AKAP13: variants seen among roughly 807,000 people sequenced by gnomAD.
The protein encoded by AKAP13 is A-kinase anchoring protein 13, also known as A-kinase anchor protein 13.
AKAP13 carries 80 observed loss-of-function variants against 264.5 expected under a neutral mutation model. The ratio of observed to expected loss-of-function variants is 0.30; its 90% confidence interval spans 0.25 to 0.36. The LOEUF (loss-of-function observed/expected upper bound fraction) is 0.36. Among genes scored for constraint, AKAP13 ranks in the 10% least tolerant of loss-of-function variants. The pLI is 1.00. For synonymous variants in AKAP13, 1,380 were observed against 1,250.2 expected (o/e 1.10, Z -2.19); for missense variants, 3,712 against 3,435.2 (o/e 1.08, Z -2.01).
intron 5 of AKAP13, among the ~76,000 whole-genome samples, chr15:85,558,526 G>C (rs945862521): frequency 6.6e-6 from 1 of 152,110 alleles, no homozygotes; most frequent in Non-Finnish European, 1.5e-5. Context: ...TGGGGGTCCT[G>C]CCTAGACAAA....
chr15:85,500,587 C>T (rs1202974180), intron 2 of AKAP13, among the ~76,000 whole-genome samples: 1 of 152,098 alleles, frequency 6.6e-6, no homozygotes, highest in Non-Finnish European at 1.5e-5. Flanking sequence ...GTAGAAATTA[C>T]ATTTTTCTGG....
chr15:85,647,318 A>C (rs1293659267), intron 10 of AKAP13, among the ~76,000 whole-genome samples: 1 of 152,214 alleles, frequency 6.6e-6, no homozygotes, highest in Non-Finnish European at 1.5e-5. Flanking sequence ...GAATTGCTTG[A>C]ACCCAGGAGG....
intron 4 of AKAP13, chr15:85,536,500 T>C (rs1158519205): frequency 6.6e-6 from 1 of 152,250 alleles, no homozygotes; most frequent in Non-Finnish European, 1.5e-5. Context: ...AAATCTGTAG[T>C]CACCAAAAAG....
At chr15:85,719,877 T>C (rs1597167735) in intron 23 of AKAP13, among the ~76,000 whole-genome samples, 1 of 151,288 alleles carries the variant, frequency 6.6e-6, no homozygotes, top group East Asian at 2.0e-4. Context: ...CTCATGCCAC[T>C]GCACTCCAGC....
Position 85,619,795 on chromosome 15 carries a change from C to G in AKAP13, c.4162-19579C>G, listed in dbSNP as rs2081093895. 4 of 1,124,484 alleles carry G rather than the reference C, an allele frequency of 3.6e-6. No homozygotes were observed. In the African/African-American group the frequency reaches 6.5e-5, roughly 18 times the overall value. 69.7% of individuals were successfully genotyped at this position (1,124,484 alleles called of 1,614,324 possible). Reference sequence around the variant, plus strand: ...GCTTCTCTTTCAGTCAAGATCTGCACAAAGTATAGCATTAGGTGGTATTTA... The same window carrying G: ...GCTTCTCTTTCAGTCAAGATCTGCAGAAAGTATAGCATTAGGTGGTATTTA... On this transcript the variant is annotated intron_variant, in intron 8 of 36. Transcript: ENST00000394518.
Position 85,609,468 on chromosome 15 carries a change from A to G in AKAP13, c.4161+23645A>G, listed in dbSNP as rs575462276. ...GGATTTCATTATTTTTTACAGCTGA[A>G]TAATATTCTGTTGTGTATATGTACC... On this transcript the variant is annotated intron_variant, in intron 8 of 36. Coordinates refer to ENST00000394518, the MANE Select transcript of AKAP13 (RefSeq NM_007200.5). 2.0e-5 allele frequency among the ~76,000 whole-genome samples: 3 copies of G among 152,304 alleles called. No individual in the cohort carries two copies. In the South Asian group the frequency reaches 6.2e-4, roughly 32 times the overall value.
At chr15:85,470,316 A>C (rs762244021) in intron 1 of AKAP13, among the ~76,000 whole-genome samples, 4 of 152,056 alleles carry the variant, frequency 2.6e-5, no homozygotes, top group South Asian at 2.1e-4. Flanking sequence ...CCAAACCAAA[A>C]CAAAACAGAA....
intron 11 of AKAP13, among the ~76,000 whole-genome samples, chr15:85,657,519 G>T (rs577588447): frequency 6.6e-6 from 1 of 152,230 alleles, no homozygotes; most frequent in African/African-American, 2.4e-5. Flanking sequence ...CAGGTAGTTT[G>T]CATCATTTAT....
chr15:85,483,650 A>C (rs1192770994), intron 1 of AKAP13, among the ~76,000 whole-genome samples: 4 of 150,134 alleles, frequency 2.7e-5, no homozygotes, highest in African/African-American at 7.3e-5. Flanking sequence ...AAAAAAAAAA[A>C]ACACCAAAAA....
intron 1 of AKAP13, among the ~76,000 whole-genome samples, chr15:85,474,415 A>G (rs934387764): frequency 6.6e-6 from 1 of 152,230 alleles, no homozygotes; most frequent in African/African-American, 2.4e-5. Flanking sequence ...TAGTTGGCTA[A>G]CCTAGTTCTT....
intron 1 of AKAP13, among the ~76,000 whole-genome samples, chr15:85,465,944 G>T (rs2074721654): frequency 6.7e-6 from 1 of 149,656 alleles, no homozygotes; most frequent in African/African-American, 2.5e-5. Context: ...TTCCACAATG[G>T]TTGAACTAGT....
intron 16 of AKAP13, 73 bp from the exon 17 acceptor site, chr15:85,693,204 A>G (rs1375067745): frequency 2.1e-6 from 3 of 1,444,554 alleles, no homozygotes; most frequent in African/African-American, 1.5e-5. Flanking sequence ...ACCACATGCC[A>G]TCTGGGTGCC....
At chr15:85,613,689 A>AT (rs1555450597) in intron 8 of AKAP13, among the ~76,000 whole-genome samples, 6 of 76,242 alleles carry the variant, frequency 7.9e-5, no homozygotes, top group Non-Finnish European at 1.3e-4. Context: ...TAAAAAAAAA[A>AT]AAATATATAT....
rs182072562 is a variant in AKAP13 at position 85,713,480 on chromosome 15, C to G, written c.5600-2308C>G. 1.6e-4 allele frequency among the ~76,000 whole-genome samples: 25 copies of G among 151,636 alleles called. 1 individual carries two copies. In the East Asian group the frequency reaches 4.7e-3, roughly 28 times the overall value. On this transcript the variant is annotated intron_variant, in intron 19 of 36. Transcript: ENST00000394518. ...TCAGATTTTATCCGCTCAGTGACCT[C>G]CCTTCAGAAACATTCAGGTTATGCT... is the stretch of plus-strand genomic sequence containing the variant.
chr15:85,465,550 G>A (rs2151010851), intron 1 of AKAP13, among the ~76,000 whole-genome samples: 1 of 132,246 alleles, frequency 7.6e-6, no homozygotes. Flanking sequence ...CCCTTCCTGT[G>A]TCCATGTGTT....
At chr15:85,613,713 T>TATATATGTATGTATATA (rs1254657975) in intron 8 of AKAP13, among the ~76,000 whole-genome samples, 2 of 111,018 alleles carry the variant, frequency 1.8e-5, no homozygotes, top group South Asian at 3.4e-4. Context: ...TATATATATA[T>TATATATGTATGTATATA]TAGGAGTGCT....
At chr15:85,610,573 T>G (rs2080560590) in intron 8 of AKAP13, among the ~76,000 whole-genome samples, 1 of 152,228 alleles carries the variant, frequency 6.6e-6, no homozygotes, top group South Asian at 2.1e-4. Context: ...AAATTATTTA[T>G]TGTCAGGTTA....
intron 8 of AKAP13, among the ~76,000 whole-genome samples, chr15:85,637,842 T>C (rs1408537602): frequency 6.6e-6 from 1 of 151,834 alleles, no homozygotes; most frequent in Non-Finnish European, 1.5e-5. Context: ...AAATATTTTC[T>C]TCTTTTTCTT....
At chr15:85,605,063 C>G (rs1313464124) in intron 8 of AKAP13, among the ~76,000 whole-genome samples, 2 of 152,106 alleles carry the variant, frequency 1.3e-5, no homozygotes, top group Non-Finnish European at 2.9e-5. Context: ...AATTTATGCT[C>G]TTAATCCCCA....
Sources: gnomAD v4.1 joint callset for allele counts (sites outside exome capture counted in the v4.1 genomes callset) on GRCh38, gnomAD v4.1.1 for gene constraint, MANE v1.5 for transcripts, NCBI Gene and HGNC (gene_info 2026-07-23, HGNC 2026-07-21) for gene names.